The following CAMK2B variants were observed in gnomAD, a reference collection of about 807,000 sequenced individuals.
CAMK2B encodes the protein calcium/calmodulin-dependent protein kinase type II subunit beta.
CAMK2B carries 27 observed loss-of-function variants against 93.7 expected under a neutral mutation model. The ratio of observed to expected loss-of-function variants is 0.29; its 90% CI spans 0.21 to 0.40. The LOEUF (loss-of-function observed/expected upper bound fraction) is 0.40, where lower values mean the gene tolerates loss of function less well. Ranked by LOEUF, CAMK2B falls within the 10% of genes least tolerant of loss-of-function variation. CAMK2B has a pLI of 1.00. For missense variants in CAMK2B, 568 were observed against 895.8 expected, an observed-to-expected ratio of 0.63 and a Z score of 4.67; for synonymous variants, 374 against 358.8, an observed-to-expected ratio of 1.04 and a Z score of -0.48.
chr7:44,287,166 C>T (rs981221055), intron 1 of CAMK2B, among the ~76,000 whole-genome samples: 2 of 152,042 alleles, frequency 1.3e-5, no homozygotes, highest in Non-Finnish European at 2.9e-5. Context: ...CTCCCTGCGC[C>T]CCGCTCCTGG....
chr7:44,278,932 G>C (rs1323788901), intron 2 of CAMK2B, among the ~76,000 whole-genome samples: 1 of 152,190 alleles, frequency 6.6e-6, no homozygotes, highest in Admixed American at 6.5e-5. Flanking sequence ...CTACAGCGGG[G>C]CCCCCGGGGT....
At chr7:44,292,495 A>T (rs1037026320) in intron 1 of CAMK2B, among the ~76,000 whole-genome samples, 2 of 152,188 alleles carry the variant, frequency 1.3e-5, no homozygotes, top group Non-Finnish European at 2.9e-5. Flanking sequence ...CTCCTCAAAC[A>T]TAAGCTTCAT....
intron 1 of CAMK2B, among the ~76,000 whole-genome samples, chr7:44,287,520 G>A (rs1440469904): frequency 1.3e-5 from 2 of 152,182 alleles, no homozygotes; most frequent in Non-Finnish European, 2.9e-5. Flanking sequence ...AAGCCCCCTT[G>A]GAAGTGTCAG....
intron 2 of CAMK2B, among the ~76,000 whole-genome samples, chr7:44,283,739 C>T (rs1298589560): frequency 6.6e-6 from 1 of 152,254 alleles, no homozygotes; most frequent in Non-Finnish European, 1.5e-5. Flanking sequence ...ACCACCCAAC[C>T]ACCATGGCGG....
chr7:44,256,164 C>A (rs2096831679), intron 4 of CAMK2B, among the ~76,000 whole-genome samples: 7 of 152,244 alleles, frequency 4.6e-5, no homozygotes, highest in Admixed American at 2.0e-4. Context: ...ATTTCTACAG[C>A]CAATCAACCA....
intron 6 of CAMK2B, chr7:44,245,048 G>C (rs748871166): frequency 4.5e-6 from 2 of 448,482 alleles, no homozygotes; most frequent in East Asian, 7.1e-5. Context: ...GGAGGGGTCA[G>C]GGGCTGCATT....
rs527429514 is a variant in CAMK2B at position 44,323,212 on chromosome 7, G to A, written c.65+2145C>T. 4.6e-5 allele frequency among the ~76,000 whole-genome samples: 7 copies of A among 152,374 alleles called. No homozygotes were observed. The East Asian group carries it at 1.4e-3, about 29-fold the overall frequency. On this transcript the variant is annotated intron_variant, in intron 1 of 23. Coordinates refer to ENST00000395749, the MANE Select transcript of CAMK2B (RefSeq NM_001220.5). ...CCGGCGCCTAGCAGGGCTCCACAAAGGTGCACTAGGCTGAGCTGCCTGCTC... is the reference window on the plus strand; with the variant it reads ...CCGGCGCCTAGCAGGGCTCCACAAAAGTGCACTAGGCTGAGCTGCCTGCTC...
Position 44,315,743 on chromosome 7 carries a change from A to G in CAMK2B, c.65+9614T>C, listed in dbSNP as rs115009225. 3.0e-3 allele frequency among the ~76,000 whole-genome samples: 460 copies of G among 152,128 alleles called. 4 individuals are homozygous for G. Among genetic ancestry groups the G allele is most frequent in the African/African-American group, 0.01 (430 of 41,516 alleles). Reference sequence around the variant, plus strand: ...TTTAGGTCTTCTTTAATTTCTCTCAACAGTGGTTTGTGGTTTTCAATGTAC... The same window carrying G: ...TTTAGGTCTTCTTTAATTTCTCTCAGCAGTGGTTTGTGGTTTTCAATGTAC... On this transcript the variant is annotated intron_variant, in intron 1 of 23. Coordinates refer to ENST00000395749, the MANE Select transcript of CAMK2B (RefSeq NM_001220.5).
At chr7:44,220,577 G>C (rs940442282) in intron 22 of CAMK2B, 39 bp downstream of exon 22, 1 of 1,543,408 alleles carries the variant, frequency 6.5e-7, no homozygotes, top group Non-Finnish European at 8.9e-7. Flanking sequence ...TCTCCTGGGG[G>C]CACCGCCCCC....
At chr7:44,257,408 C>A (rs2096843465) in intron 4 of CAMK2B, among the ~76,000 whole-genome samples, 1 of 152,212 alleles carries the variant, frequency 6.6e-6, no homozygotes, top group African/African-American at 2.4e-5. Flanking sequence ...ACATGAGAGT[C>A]TCTCAAATGG....
intron 2 of CAMK2B, among the ~76,000 whole-genome samples, chr7:44,278,783 C>A (rs1021141749): frequency 1.3e-5 from 2 of 152,254 alleles, no homozygotes; most frequent in Non-Finnish European, 2.9e-5. Context: ...AGCATCTGGG[C>A]AAGGCCAGCT....
At chr7:44,220,765 G>GC (rs887892293) in intron 21 of CAMK2B, 55 bp from the exon 22 acceptor site, 21 of 1,564,436 alleles carry the variant, frequency 1.3e-5, no homozygotes, top group Admixed American at 1.9e-5. Context: ...CTCTGAGCAG[G>GC]CCCCCCCAAG....
chr7:44,253,914 T>TATGG (rs2096805897), intron 5 of CAMK2B, among the ~76,000 whole-genome samples: 1 of 152,052 alleles, frequency 6.6e-6, no homozygotes, highest in East Asian at 1.9e-4. Flanking sequence ...TTTTTTTTTT[T>TATGG]TTTTTTTAAA....
chr7:44,254,456 TAGAA>T, intron 5 of CAMK2B, 82 bp downstream of exon 5: 1 of 981,328 alleles, frequency 1.0e-6, no homozygotes, highest in South Asian at 1.3e-5. Context: ...AGACGTGGGT[TAGAA>T]AGAGCAGCAG....
chr7:44,313,411 A>G (rs910478155), intron 1 of CAMK2B, among the ~76,000 whole-genome samples: 2 of 151,502 alleles, frequency 1.3e-5, no homozygotes, highest in Non-Finnish European at 2.9e-5. Flanking sequence ...ATGGGAAGCT[A>G]CAGCCCCAGC....
chr7:44,253,182 C>T (rs2129007305), intron 5 of CAMK2B, among the ~76,000 whole-genome samples: 1 of 151,898 alleles, frequency 6.6e-6, no homozygotes, highest in Non-Finnish European at 1.5e-5. Context: ...AAAAGTAATA[C>T]ATACTCATTT....
intron 1 of CAMK2B, among the ~76,000 whole-genome samples, chr7:44,323,245 G>C (rs892138320): frequency 2.0e-5 from 3 of 152,262 alleles, no homozygotes; most frequent in Non-Finnish European, 2.9e-5. Context: ...CTCCTGGCTT[G>C]GGCATCTCCT....
At chr7:44,258,794 G>A in intron 4 of CAMK2B, 78 bp downstream of exon 4, 1 of 1,316,842 alleles carries the variant, frequency 7.6e-7, no homozygotes, top group Non-Finnish European at 1.1e-6. Flanking sequence ...TATTCCCTGG[G>A]GCTGGGGAGG....
At chr7:44,265,244 C>T (rs1351088155) in intron 2 of CAMK2B, among the ~76,000 whole-genome samples, 2 of 152,352 alleles carry the variant, frequency 1.3e-5, no homozygotes, top group Middle Eastern at 3.4e-3. Context: ...CACTCAGGTG[C>T]GTCTCATAAG....
Sources: gnomAD v4.1 joint callset for allele counts (sites outside exome capture counted in the v4.1 genomes callset) on GRCh38, gnomAD v4.1.1 for gene constraint, MANE v1.5 for transcripts, NCBI Gene and HGNC (gene_info 2026-07-23, HGNC 2026-07-21) for gene names.